The following NBAS variants were observed in gnomAD, a reference collection of about 807,000 sequenced individuals.
NBAS encodes the protein NAG/BC035112 fusion.
Under a neutral mutation model 302.5 loss-of-function variants are expected in NBAS, and 219 were observed. That is an observed-to-expected ratio of 0.72 (90% confidence interval 0.65 to 0.81). The LOEUF is 0.81. Ranked by LOEUF, NBAS falls within the 30% of genes least tolerant of loss-of-function variation. NBAS has a pLI of 0.00. For synonymous variants in NBAS, 1,118 were observed against 1,021.6 expected (o/e 1.09, Z -1.80); for missense variants, 2,932 against 2,841.6 (o/e 1.03, Z -0.72).
intron 28 of NBAS, among the ~76,000 whole-genome samples, chr2:15,387,900 G>T (rs2148395279): frequency 6.6e-6 from 1 of 152,278 alleles, no homozygotes; most frequent in South Asian, 2.1e-4. Flanking sequence ...CTCCCAAAGT[G>T]CTGGGATTAC....
At chr2:14,781,413 T>C in the NBAS span, among the ~76,000 whole-genome samples, 8 of 150,608 alleles carry the variant, frequency 5.3e-5, no homozygotes, top group African/African-American at 2.0e-4. Flanking sequence ...CTAAACTAAA[T>C]AAAGGCTCTT....
chr2:15,044,935 G>T, the NBAS span, among the ~76,000 whole-genome samples: 1 of 152,130 alleles, frequency 6.6e-6, no homozygotes, highest in African/African-American at 2.4e-5. Context: ...ACATAATTGG[G>T]GTAAGGCTAG....
At chr2:15,372,562 C>G (rs1350891129) in intron 31 of NBAS, among the ~76,000 whole-genome samples, 1 of 152,098 alleles carries the variant, frequency 6.6e-6, no homozygotes, top group Non-Finnish European at 1.5e-5. Flanking sequence ...AAGCTAAAAC[C>G]TAAATGGCAT....
chr2:15,513,673 T>C (rs189528075), intron 9 of NBAS, among the ~76,000 whole-genome samples: 8 of 150,728 alleles, frequency 5.3e-5, no homozygotes, highest in African/African-American at 2.0e-4. Context: ...AAGGAGGATA[T>C]GGAGAGCAGA....
the NBAS span, among the ~76,000 whole-genome samples, chr2:15,136,139 G>A: frequency 6.6e-6 from 1 of 152,192 alleles, no homozygotes; most frequent in Non-Finnish European, 1.5e-5. Flanking sequence ...TGTATTTTAA[G>A]ACCAGAGAGA....
chr2:15,461,162 T>C (rs199836691), intron 21 of NBAS, 39 bp downstream of exon 21: 77 of 1,356,896 alleles, frequency 5.7e-5, no homozygotes, highest in East Asian at 2.3e-5. Flanking sequence ...ATTATCAATA[T>C]AAAAAAGAAG....
the NBAS span, among the ~76,000 whole-genome samples, chr2:14,887,365 C>T: frequency 6.3e-5 from 9 of 142,404 alleles, no homozygotes; most frequent in African/African-American, 1.1e-4. Context: ...ATCGCGCCAC[C>T]GCACTCCAGC....
chr2:15,544,627 A>G (rs1271268820), intron 6 of NBAS, among the ~76,000 whole-genome samples: 1 of 152,190 alleles, frequency 6.6e-6, no homozygotes, highest in Non-Finnish European at 1.5e-5. Context: ...AAAATTTTAA[A>G]GTAGACAGAA....
the NBAS span, among the ~76,000 whole-genome samples, chr2:14,909,986 G>T: frequency 1.8e-4 from 27 of 152,316 alleles, no homozygotes; most frequent in African/African-American, 6.5e-4. Context: ...ATTAAAAACA[G>T]GTGCATTTGC....
chr2:15,150,025 T>C, the NBAS span, among the ~76,000 whole-genome samples: 2 of 140,006 alleles, frequency 1.4e-5, no homozygotes, highest in Middle Eastern at 8.0e-3. Flanking sequence ...TAGTGAGCCA[T>C]GGTAGTGCCA....
chr2:15,553,377 CAA>C (rs1664473010), intron 5 of NBAS, 47 bp downstream of exon 5: 1 of 1,492,414 alleles, frequency 6.7e-7, no homozygotes, highest in Non-Finnish European at 9.3e-7. Context: ...TATAGAGTAA[CAA>C]ATATTTCTCA....
At chr2:14,789,351 C>T in the NBAS span, among the ~76,000 whole-genome samples, 10 of 152,162 alleles carry the variant, frequency 6.6e-5, no homozygotes, top group Non-Finnish European at 1.3e-4. Flanking sequence ...GTCCTGCGCC[C>T]ACTGTCTGGC....
chr2:15,287,050 G>A, intron 42 of NBAS, 23 bp downstream of exon 42: 3 of 1,524,826 alleles, frequency 2.0e-6, no homozygotes, highest in South Asian at 1.1e-5. Context: ...GGAAACAAAC[G>A]TACATATGAA....
chr2:15,442,182 A>T lies in NBAS; in HGVS notation c.2340-14388T>A, dbSNP rs1441693823. On this transcript the variant is annotated intron_variant, in intron 21 of 51. Transcript: ENST00000281513. ...CTAATAGACATCTACAGAACTCTCC[A>T]CCCCAAATCAACAGAATATACATTT... Among the ~76,000 whole-genome samples, 9 of 125,124 alleles carry T rather than the reference A, an allele frequency of 7.2e-5. No individual in the cohort carries two copies. In the East Asian group the frequency reaches 1.2e-3, roughly 17 times the overall value. The allele number at this position is 125,124 out of a possible 152,430, so 82.1% of individuals were successfully genotyped here. A position where few individuals can be genotyped will look rare whatever the true frequency, so the allele number is the denominator to read the frequency against.
intron 21 of NBAS, among the ~76,000 whole-genome samples, chr2:15,442,124 C>T (rs1678454912): frequency 7.7e-6 from 1 of 129,524 alleles, no homozygotes; most frequent in Non-Finnish European, 1.7e-5. Context: ...CAAGGATACC[C>T]AGGAATTGAA....
At chr2:15,257,904 C>T (rs930185902) in intron 44 of NBAS, among the ~76,000 whole-genome samples, 5 of 152,132 alleles carry the variant, frequency 3.3e-5, no homozygotes, top group Non-Finnish European at 5.9e-5. Context: ...AGAAAACTGA[C>T]ATTGAACTCA....
chr2:15,096,879 A>C, the NBAS span, among the ~76,000 whole-genome samples: 6 of 152,332 alleles, frequency 3.9e-5, no homozygotes, highest in East Asian at 1.2e-3. Flanking sequence ...CAGAGGAGCA[A>C]AACAGGGAGA....
At chr2:15,541,271 A>G (rs946605731) in intron 6 of NBAS, among the ~76,000 whole-genome samples, 3 of 152,150 alleles carry the variant, frequency 2.0e-5, no homozygotes, top group Admixed American at 1.3e-4. Flanking sequence ...TCAACATTCT[A>G]TTCCCAGGAC....
chr2:14,886,980 C>T, the NBAS span, among the ~76,000 whole-genome samples: 5 of 152,166 alleles, frequency 3.3e-5, no homozygotes, highest in South Asian at 2.1e-4. Context: ...AAATCCAGGC[C>T]GATAAACATG....
Sources: allele counts gnomAD v4.1 joint callset (sites outside exome capture counted in the v4.1 genomes callset), GRCh38; gene constraint gnomAD v4.1.1; transcripts MANE v1.5; gene names NCBI Gene and HGNC (gene_info 2026-07-23, HGNC 2026-07-21).